The following PCDHA7 variants were observed in gnomAD, a reference collection of about 807,000 sequenced individuals.
PCDHA7 encodes protocadherin alpha-7.
In PCDHA7, 37 loss-of-function variants were observed where a neutral mutation model predicts 57.2. The observed-to-expected ratio is 0.65, with a 90% CI of 0.50 to 0.85. PCDHA7 has a LOEUF of 0.85. Ranked by LOEUF, PCDHA7 falls within the 40% of genes least tolerant of loss-of-function variation. The pLI is 0.00. For missense variants in PCDHA7, 1,188 were observed against 1,241.8 expected, an observed-to-expected ratio of 0.96 and a Z score of 0.65; for synonymous variants, 553 against 558.8, an observed-to-expected ratio of 0.99 and a Z score of 0.15.
At chr5:140,872,512 A>T (rs2053716713) in intron 1 of PCDHA7, among the ~76,000 whole-genome samples, 1 of 152,126 alleles carries the variant, frequency 6.6e-6, no homozygotes, top group Admixed American at 6.5e-5. Context: ...CTGTAGTCCC[A>T]GTTTCTTGGG....
intron 3 of PCDHA7, among the ~76,000 whole-genome samples, chr5:140,998,588 G>A (rs1315091552): frequency 6.7e-6 from 1 of 148,536 alleles, no homozygotes; most frequent in African/African-American, 2.5e-5. Context: ...TTTTGAGACA[G>A]AGTTTTGCTC....
rs782349051 is a variant in PCDHA7, at chr5:140,857,178, A to G, written c.2355+20440A>G. 8.1e-6 allele frequency: 13 copies of G among 1,598,358 alleles called. No individual in the cohort carries two copies. The South Asian group carries it at 1.3e-4, about 16-fold the overall frequency. On this transcript the variant is annotated intron_variant, in intron 1 of 3. Transcript: ENST00000525929. The stretch of plus-strand genomic sequence containing the variant: ...GCCCTAATCAGCGTTTCTGACCATG[A>G]TTCAGGAGCCAACGGACAGGTCACC...
At chr5:140,963,195 T>TG (rs1323958663) in intron 1 of PCDHA7, among the ~76,000 whole-genome samples, 4 of 150,680 alleles carry the variant, frequency 2.7e-5, no homozygotes, top group Non-Finnish European at 5.9e-5. Flanking sequence ...ACTGTGAAAA[T>TG]GAAAAAAAAA....
rs2150328350 is a variant in PCDHA7, at chr5:140,842,056, T to G, written c.2355+5318T>G. On this transcript the variant is annotated intron_variant, in intron 1 of 3. Transcript: ENST00000525929. ...ATAATGCTCCCACTTTCGAACAGTCTGAATACGAAGTAAGAATATTCGAAA... is the reference window on the plus strand; with the variant it reads ...ATAATGCTCCCACTTTCGAACAGTCGGAATACGAAGTAAGAATATTCGAAA... The G allele has an allele frequency of 3.7e-5, 59 of 1,613,726 alleles. 1 individual carries two copies. Among genetic ancestry groups the G allele is most frequent in the Non-Finnish European group, 4.6e-5 (54 of 1,179,870 alleles).
intron 1 of PCDHA7, chr5:140,869,195 T>A (rs1554162619): frequency 6.2e-7 from 1 of 1,613,916 alleles, no homozygotes; most frequent in East Asian, 2.2e-5. Flanking sequence ...AGCGGCCAGC[T>A]CCACTACTCC....
intron 1 of PCDHA7, among the ~76,000 whole-genome samples, chr5:140,963,667 T>A (rs1206076549): frequency 6.6e-6 from 1 of 152,238 alleles, no homozygotes; most frequent in Non-Finnish European, 1.5e-5. Flanking sequence ...CTATATGGCA[T>A]AGTTAAATGT....
Position 140,998,902 on chromosome 5 carries a change from C to T in PCDHA7, c.2504-10725C>T, listed in dbSNP as rs148715237. On this transcript the variant is annotated intron_variant, in intron 3 of 3. Coordinates refer to ENST00000525929, the MANE Select transcript of PCDHA7 (RefSeq NM_018910.3). ...TTAGTTGAATAAATAACAATGCCTC[C>T]GGGAGGTAGCTATTATATCCATTTT... Among the ~76,000 whole-genome samples the T allele has an allele frequency of 4.2e-3, 632 of 152,216 alleles. 5 individuals are homozygous for T. Among genetic ancestry groups the T allele is most frequent in the African/African-American group, 0.014 (572 of 41,540 alleles).
chr5:140,968,652 A>G, intron 1 of PCDHA7: 1 of 1,614,118 alleles, frequency 6.2e-7, no homozygotes, highest in Non-Finnish European at 8.5e-7. Context: ...CAGACTTCTG[A>G]CCTGGACCTC....
At position 140,836,123 on chromosome 5, in the gene PCDHA7, T is replaced by A. The variant is rs1214014408; in HGVS notation, c.1740T>A (p.Leu580=). 2.2e-5 allele frequency: 36 copies of A among 1,613,538 alleles called. No homozygotes were observed. The highest frequency in any genetic ancestry group is 3.0e-5 in the Non-Finnish European group (35 of 1,179,774). Residue 580 remains leucine, a synonymous_variant, in exon 1 of 4, where the codon CTT becomes CTA. Transcript: ENST00000525929. ...VGGTGGAVRE[L]VPRSVGAGHV... ...GCACTGGTGGCGCAGTGAGAGAGCTTGTGCCGCGGTCTGTGGGCGCGGGCC... is the reference window on the plus strand; with the variant it reads ...GCACTGGTGGCGCAGTGAGAGAGCTAGTGCCGCGGTCTGTGGGCGCGGGCC...
At chr5:140,906,693 G>T (rs887867103) in intron 1 of PCDHA7, among the ~76,000 whole-genome samples, 3 of 152,082 alleles carry the variant, frequency 2.0e-5, no homozygotes, top group African/African-American at 7.2e-5. Flanking sequence ...GAAGGATCTG[G>T]GCCATTTGTA....
intron 1 of PCDHA7, chr5:140,843,183 C>G (rs1778646285): frequency 1.9e-6 from 3 of 1,595,908 alleles, no homozygotes; most frequent in Non-Finnish European, 2.6e-6. Flanking sequence ...CCTCGCATCC[C>G]GTTCCGCGTG....
chr5:140,921,953 C>A (rs2080517782), intron 1 of PCDHA7, among the ~76,000 whole-genome samples: 3 of 151,116 alleles, frequency 2.0e-5, no homozygotes, highest in African/African-American at 4.9e-5. Flanking sequence ...TTGTAAAATC[C>A]CAGAAAACCA....
chr5:140,892,262 T>G (rs1554185143), intron 1 of PCDHA7, among the ~76,000 whole-genome samples: 1 of 152,188 alleles, frequency 6.6e-6, no homozygotes, highest in African/African-American at 2.4e-5. Flanking sequence ...TTTGATTTTG[T>G]GCTGAAAGTT....
chr5:140,843,234 A>G, intron 1 of PCDHA7: 2 of 1,595,886 alleles, frequency 1.3e-6, no homozygotes, highest in African/African-American at 1.3e-5. Context: ...CGTGTCCTGG[A>G]CGAAGCGGAC....
chr5:140,898,737 G>T (rs2066951107), intron 1 of PCDHA7, among the ~76,000 whole-genome samples: 1 of 152,102 alleles, frequency 6.6e-6, no homozygotes, highest in African/African-American at 2.4e-5. Flanking sequence ...AAAGTCATTG[G>T]TAGCTTGATG....
intron 1 of PCDHA7, among the ~76,000 whole-genome samples, chr5:140,952,680 G>A (rs1013469820): frequency 6.6e-6 from 1 of 152,128 alleles, no homozygotes; most frequent in Middle Eastern, 3.2e-3. Flanking sequence ...CACATTTTCA[G>A]GATCTTTATA....
rs114370861 is a variant in PCDHA7 at position 140,845,840 on chromosome 5, G to A, written c.2355+9102G>A. 5.2e-3 allele frequency among the ~76,000 whole-genome samples: 775 copies of A among 149,794 alleles called. 45 individuals are homozygous for A. Among genetic ancestry groups the A allele is most frequent in the African/African-American group, 0.018 (745 of 40,934 alleles). On this transcript the variant is annotated intron_variant, in intron 1 of 3. Transcript: ENST00000525929. The stretch of plus-strand genomic sequence containing the variant: ...AAAATTTAGTTATTACCATTCTTAA[G>A]AGAAAAGAAGTTAGTGATTGCAGAA...
Position 140,851,168 on chromosome 5 carries a change from A to G in PCDHA7, c.2355+14430A>G, listed in dbSNP as rs899165006. 39 of 1,280,680 alleles carry G rather than the reference A, an allele frequency of 3.0e-5. 2 individuals are homozygous for G. Among genetic ancestry groups the G allele is most frequent in the Admixed American group, 1.3e-4 (4 of 31,186 alleles). The allele number at this position is 1,280,680 out of a possible 1,614,324, so 79.3% of individuals were successfully genotyped here. On this transcript the variant is annotated intron_variant, in intron 1 of 3. Transcript: ENST00000525929. ...ATTGAATTTCTGATGCTATGCTGCC[A>G]TAACACTTGAAAACCAATTTAGTTG...
At chr5:141,009,255 G>A (rs2098403504) in intron 3 of PCDHA7, among the ~76,000 whole-genome samples, 1 of 152,162 alleles carries the variant, frequency 6.6e-6, no homozygotes. Context: ...CAGTGTTTGA[G>A]ACCAGCCTGG....
Sources: allele counts gnomAD v4.1 joint callset (sites outside exome capture counted in the v4.1 genomes callset), GRCh38; gene constraint gnomAD v4.1.1; transcripts MANE v1.5; gene names NCBI Gene and HGNC (gene_info 2026-07-23, HGNC 2026-07-21).